PDIA6: variants seen among roughly 807,000 people sequenced by gnomAD.
The protein encoded by PDIA6 is protein disulfide-isomerase A6.
A neutral mutation model predicts 58.4 loss-of-function variants in PDIA6; 29 were observed. The observed-to-expected ratio is 0.50, with a 90% CI of 0.37 to 0.68. The LOEUF (loss-of-function observed/expected upper bound fraction) is 0.68, where lower values mean the gene tolerates loss of function less well. Among genes scored for constraint, PDIA6 ranks in the 30% least tolerant of loss-of-function variants. The pLI, the probability that PDIA6 is intolerant of heterozygous loss-of-function variation, is 0.00. For missense variants in PDIA6, 480 were observed against 551.0 expected, an observed-to-expected ratio of 0.87 and a Z score of 1.29; for synonymous variants, 192 against 202.6, an observed-to-expected ratio of 0.95 and a Z score of 0.44.
intron 1 of PDIA6, chr2:10,821,437 C>G (rs547716787): frequency 9.2e-5 from 14 of 152,518 alleles, no homozygotes; most frequent in Admixed American, 8.5e-4. Flanking sequence ...AGAGCAGTCC[C>G]CGATTTACCC....
At chr2:10,832,813 T>C (rs902826403), upstream of PDIA6, among the ~76,000 whole-genome samples, 5 of 152,180 alleles carry the variant, frequency 3.3e-5, no homozygotes, top group African/African-American at 1.2e-4. Flanking sequence ...GGCCAGGCTG[T>C]GGCTTGCCAC....
intron 7 of PDIA6, among the ~76,000 whole-genome samples, 192 bp from the exon 8 acceptor site, chr2:10,790,081 C>T (rs1018394937): frequency 1.3e-5 from 2 of 151,380 alleles, no homozygotes; most frequent in Non-Finnish European, 2.9e-5. Flanking sequence ...TGGGTTCAAG[C>T]AATTCTCCTA....
At chr2:10,828,599 A>T (rs1411115899) in intron 1 of PDIA6, among the ~76,000 whole-genome samples, 1 of 152,220 alleles carries the variant, frequency 6.6e-6, no homozygotes, top group Admixed American at 6.5e-5. Context: ...GCACAGTGCC[A>T]GTCTCCTGCT....
chr2:10,827,773 G>A (rs1485720090), intron 1 of PDIA6, among the ~76,000 whole-genome samples: 1 of 149,994 alleles, frequency 6.7e-6, no homozygotes, highest in Non-Finnish European at 1.5e-5. Context: ...GCAGTGAGCC[G>A]AGATCACGCC....
intron 1 of PDIA6, among the ~76,000 whole-genome samples, chr2:10,825,290 GTCTCTCTCTCTCTC>G (rs1268142176): frequency 1.3e-4 from 10 of 75,684 alleles, no homozygotes; most frequent in African/African-American, 3.1e-4. Context: ...CTCTCTCTCT[GTCTCTCTCTCTCTC>G]TGTATATATA....
At chr2:10,814,403 T>A (rs905356470), upstream of PDIA6, among the ~76,000 whole-genome samples, 1 of 152,216 alleles carries the variant, frequency 6.6e-6, no homozygotes, top group Admixed American at 6.5e-5. Flanking sequence ...CTCCTGAATG[T>A]GAAGGTGCGT....
chr2:10,799,642 G>A (rs550476290), intron 2 of PDIA6, among the ~76,000 whole-genome samples: 177 of 152,278 alleles, frequency 1.2e-3, no homozygotes, highest in African/African-American at 4.1e-3. Flanking sequence ...TTTACATACA[G>A]TATGTTTTGT....
chr2:10,787,633 T>C (rs920888088), intron 10 of PDIA6, among the ~76,000 whole-genome samples, 194 bp from the exon 11 acceptor site: 2 of 152,244 alleles, frequency 1.3e-5, no homozygotes, highest in East Asian at 1.9e-4. Context: ...TTATTAAGCA[T>C]GTTCTCGCGT....
At chr2:10,791,697 A>T in intron 6 of PDIA6, 98 bp downstream of exon 6, 1 of 1,068,342 alleles carries the variant, frequency 9.4e-7, no homozygotes, top group Non-Finnish European at 1.4e-6. Context: ...AAGAGATCTT[A>T]GTGGTGATCT....
intron 1 of PDIA6, among the ~76,000 whole-genome samples, chr2:10,804,137 T>G (rs1008727250): frequency 6.6e-6 from 1 of 151,786 alleles, no homozygotes; most frequent in Non-Finnish European, 1.5e-5. Flanking sequence ...CTCGATCTCC[T>G]GACCTTGTGA....
chr2:10,812,718 A>G lies in PDIA6; in HGVS notation c.-22T>C. 1 of 1,508,670 alleles carries G rather than the reference A, an allele frequency of 6.6e-7. No homozygotes were observed. Among genetic ancestry groups the G allele is most frequent in the South Asian group, 1.2e-5 (1 of 82,486 alleles). 93.5% of individuals were successfully genotyped at this position (1,508,670 alleles called of 1,614,324 possible). ...CCATGCCGAGCGCCGGGCTACGTGC[A>G]GTCCCCACCGCCGCCGCCGCTTCAG... On this transcript the variant is annotated 5_prime_UTR_variant, in exon 1 of 13. Transcript: ENST00000272227.
At chr2:10,816,044 A>G (rs1255403407), upstream of PDIA6, among the ~76,000 whole-genome samples, 1 of 148,624 alleles carries the variant, frequency 6.7e-6, no homozygotes, top group Non-Finnish European at 1.5e-5. Context: ...AATTTGGCTA[A>G]TATAGGTACT....
upstream of PDIA6, among the ~76,000 whole-genome samples, chr2:10,833,078 T>G (rs892889618): frequency 6.6e-6 from 1 of 152,026 alleles, no homozygotes; most frequent in African/African-American, 2.4e-5. Flanking sequence ...AGTCCCCATT[T>G]CCCAGAGGCA....
At chr2:10,798,162 G>T (rs1666352121) in intron 2 of PDIA6, among the ~76,000 whole-genome samples, 1 of 152,104 alleles carries the variant, frequency 6.6e-6, no homozygotes, top group Non-Finnish European at 1.5e-5. Context: ...TCCAGCCTGG[G>T]CAACAGAGTG....
chr2:10,784,156 C>T lies in PDIA6; in HGVS notation c.*102G>A, dbSNP rs1293213107. ...CAAGTACTACTTCTTGGTTAAAAGG[C>T]CACTGGTAGAGTCATCTGAGTGTAG... On this transcript the variant is annotated 3_prime_UTR_variant, in exon 13 of 13. Coordinates refer to ENST00000272227, the MANE Select transcript of PDIA6 (RefSeq NM_005742.4). The T allele has an allele frequency of 2.6e-6, 2 of 756,560 alleles. No individual in the cohort carries two copies. The highest frequency in any genetic ancestry group is 4.2e-6 in the Non-Finnish European group (2 of 474,386). 46.9% of individuals were successfully genotyped at this position (756,560 alleles called of 1,614,324 possible). A position where few individuals can be genotyped will look rare whatever the true frequency, so the allele number is the denominator to read the frequency against.
chr2:10,812,907 G>A (rs1020654817), upstream of PDIA6: 2 of 1,059,914 alleles, frequency 1.9e-6, no homozygotes, highest in Non-Finnish European at 2.3e-6. Context: ...TATCCAATGG[G>A]AGGCGGCCGG....
At chr2:10,814,066 C>G (rs1667116293), upstream of PDIA6, among the ~76,000 whole-genome samples, 1 of 152,216 alleles carries the variant, frequency 6.6e-6, no homozygotes, top group Non-Finnish European at 1.5e-5. Flanking sequence ...ACCACTGTAT[C>G]TTTCCGCCTT....
upstream of PDIA6, among the ~76,000 whole-genome samples, chr2:10,836,508 C>T (rs747046084): frequency 3.3e-4 from 49 of 150,574 alleles, no homozygotes; most frequent in Non-Finnish European, 6.5e-4. Flanking sequence ...CCACTGTGCC[C>T]GGCCTTCTGT....
At chr2:10,831,273 G>A (rs990994009) in intron 1 of PDIA6, among the ~76,000 whole-genome samples, 1 of 152,126 alleles carries the variant, frequency 6.6e-6, no homozygotes, top group Non-Finnish European at 1.5e-5. Flanking sequence ...CCCTCCTCCC[G>A]GGCCCGTGCA....
Sources: gnomAD v4.1 joint callset for allele counts (sites outside exome capture counted in the v4.1 genomes callset) on GRCh38, gnomAD v4.1.1 for gene constraint, MANE v1.5 for transcripts, NCBI Gene and HGNC (gene_info 2026-07-23, HGNC 2026-07-21) for gene names.